Variants in NKAIN3 observed in about 807,000 individuals in gnomAD.
NKAIN3 encodes the protein sodium/potassium-transporting ATPase subunit beta-1-interacting protein 3.
In NKAIN3, 25 loss-of-function variants were observed where a neutral mutation model predicts 30.2. The observed-to-expected ratio is 0.83, with a 90% CI of 0.60 to 1.16. The LOEUF (loss-of-function observed/expected upper bound fraction) is 1.16. Among genes scored for constraint, NKAIN3 ranks in the 50% most tolerant of loss-of-function variants. NKAIN3 has a pLI of 0.00. For synonymous variants in NKAIN3, 91 were observed against 89.6 expected (o/e 1.02, Z -0.09); for missense variants, 225 against 254.1 (o/e 0.89, Z 0.78).
intron 1 of NKAIN3, among the ~76,000 whole-genome samples, chr8:62,333,387 G>T (rs1005732977): frequency 1.3e-5 from 2 of 152,068 alleles, no homozygotes; most frequent in African/African-American, 2.4e-5. Flanking sequence ...TCGGCCAAAT[G>T]AACACAATCT....
At chr8:62,960,248 G>A (rs1326611124) in intron 6 of NKAIN3, among the ~76,000 whole-genome samples, 6 of 152,156 alleles carry the variant, frequency 3.9e-5, no homozygotes, top group Admixed American at 6.5e-5. Flanking sequence ...GGCCAGTCAC[G>A]TGTCAAAGGA....
At chr8:62,478,241 G>T (rs564616245) in intron 1 of NKAIN3, among the ~76,000 whole-genome samples, 28 of 152,222 alleles carry the variant, frequency 1.8e-4, no homozygotes, top group African/African-American at 5.8e-4. Context: ...GTAGAGCCGG[G>T]TATCCAGCTA....
chr8:62,302,041 T>C (rs1814065961), intron 1 of NKAIN3, among the ~76,000 whole-genome samples: 1 of 152,042 alleles, frequency 6.6e-6, no homozygotes, highest in Admixed American at 6.6e-5. Context: ...ATCTGAGTGT[T>C]CTCACTTCCC....
intron 1 of NKAIN3, among the ~76,000 whole-genome samples, chr8:62,484,405 C>T (rs542108989): frequency 2.3e-4 from 35 of 152,334 alleles, no homozygotes; most frequent in Non-Finnish European, 4.6e-4. Flanking sequence ...GAAGGCTTTC[C>T]TCATTCACCA....
intron 3 of NKAIN3, among the ~76,000 whole-genome samples, chr8:62,612,128 G>T (rs777124101): frequency 6.6e-6 from 1 of 151,712 alleles, no homozygotes; most frequent in Non-Finnish European, 1.5e-5. Flanking sequence ...CCTATTTTTT[G>T]ATCAGATTAT....
At chr8:62,501,429 G>T (rs1476635665) in intron 1 of NKAIN3, among the ~76,000 whole-genome samples, 1 of 152,040 alleles carries the variant, frequency 6.6e-6, no homozygotes, top group Non-Finnish European at 1.5e-5. Flanking sequence ...GTATTCTTCT[G>T]CTATGTTTCA....
intron 3 of NKAIN3, among the ~76,000 whole-genome samples, chr8:62,726,253 A>G (rs1175585847): frequency 6.6e-6 from 1 of 152,098 alleles, no homozygotes; most frequent in Non-Finnish European, 1.5e-5. Flanking sequence ...ACATAAGATT[A>G]TATCAATTGC....
intron 1 of NKAIN3, among the ~76,000 whole-genome samples, chr8:62,444,539 A>G (rs1051540446): frequency 6.6e-6 from 1 of 152,214 alleles, no homozygotes; most frequent in Non-Finnish European, 1.5e-5. Context: ...GTTGCTAAAA[A>G]TGATAGGATT....
At chr8:62,618,743 T>C (rs192890099) in intron 3 of NKAIN3, among the ~76,000 whole-genome samples, 8 of 152,030 alleles carry the variant, frequency 5.3e-5, no homozygotes, top group African/African-American at 1.7e-4. Flanking sequence ...CTGTCTCTCC[T>C]AAAAATGCAA....
chr8:62,475,367 C>A (rs1806485496), intron 1 of NKAIN3, among the ~76,000 whole-genome samples: 1 of 152,194 alleles, frequency 6.6e-6, no homozygotes, highest in Admixed American at 6.5e-5. Flanking sequence ...ACACTTCCAT[C>A]CCAGCCCTGC....
At chr8:62,589,496 C>T (rs1172427234) in intron 2 of NKAIN3, among the ~76,000 whole-genome samples, 1 of 151,690 alleles carries the variant, frequency 6.6e-6, no homozygotes, top group African/African-American at 2.4e-5. Context: ...AAAAGTAAAT[C>T]TAACTTTGTT....
At position 62,827,108 on chromosome 8, in the gene NKAIN3, G is replaced by A. The variant is rs545963178; in HGVS notation, c.471+79979G>A. 4.6e-5 allele frequency among the ~76,000 whole-genome samples: 7 copies of A among 152,280 alleles called. No homozygotes were observed. In the South Asian group the frequency reaches 1.2e-3, roughly 27 times the overall value. On this transcript the variant is annotated intron_variant, in intron 4 of 6. Transcript: ENST00000623646. ...ATTTCCCAGCCCAAACCAAAAGGCTGGTATCAATAAAGAGATAGGAGCTTG... is the reference window on the plus strand; with the variant it reads ...ATTTCCCAGCCCAAACCAAAAGGCTAGTATCAATAAAGAGATAGGAGCTTG...
chr8:62,450,119 C>A (rs1317579686), intron 1 of NKAIN3, among the ~76,000 whole-genome samples: 7 of 152,086 alleles, frequency 4.6e-5, no homozygotes, highest in Non-Finnish European at 1.0e-4. Flanking sequence ...TAAACAAAAT[C>A]CATCTAGATT....
chr8:62,585,791 C>G (rs1238071238), intron 2 of NKAIN3, among the ~76,000 whole-genome samples: 1 of 152,088 alleles, frequency 6.6e-6, no homozygotes, highest in Non-Finnish European at 1.5e-5. Context: ...GCTTCTTTGG[C>G]TATAGACAGT....
chr8:62,700,016 G>A (rs995662334), intron 3 of NKAIN3, among the ~76,000 whole-genome samples: 1 of 152,078 alleles, frequency 6.6e-6, no homozygotes, highest in Non-Finnish European at 1.5e-5. Flanking sequence ...TGTAGTCCCA[G>A]CTACTGGGTA....
intron 3 of NKAIN3, among the ~76,000 whole-genome samples, chr8:62,602,014 A>G (rs1162094091): frequency 6.6e-6 from 1 of 152,068 alleles, no homozygotes; most frequent in Non-Finnish European, 1.5e-5. Flanking sequence ...ATTTTTCATA[A>G]ATTTCATCAA....
intron 4 of NKAIN3, among the ~76,000 whole-genome samples, chr8:62,864,859 A>C (rs1203272333): frequency 6.6e-6 from 1 of 152,172 alleles, no homozygotes; most frequent in Non-Finnish European, 1.5e-5. Context: ...AGACATCCAG[A>C]TGAGTCAATA....
intron 1 of NKAIN3, among the ~76,000 whole-genome samples, chr8:62,468,571 A>G (rs2129599889): frequency 6.6e-6 from 1 of 152,344 alleles, no homozygotes; most frequent in Non-Finnish European, 1.5e-5. Flanking sequence ...TACAGTTGCC[A>G]GTCATTTTCT....
intron 4 of NKAIN3, among the ~76,000 whole-genome samples, chr8:62,831,656 C>T (rs575944607): frequency 6.6e-6 from 1 of 151,960 alleles, no homozygotes; most frequent in African/African-American, 2.4e-5. Flanking sequence ...GTCTTTCAAA[C>T]TAACCCAGTT....
Sources: gnomAD v4.1 joint callset for allele counts (sites outside exome capture counted in the v4.1 genomes callset) on GRCh38, gnomAD v4.1.1 for gene constraint, MANE v1.5 for transcripts, NCBI Gene and HGNC (gene_info 2026-07-23, HGNC 2026-07-21) for gene names.